Variants in CTNNA2 observed in about 807,000 individuals in gnomAD.
CTNNA2 encodes the protein catenin alpha-2.
In CTNNA2, 42 loss-of-function variants were observed where a neutral mutation model predicts 101.0. That is an observed-to-expected ratio of 0.42 (90% CI 0.32 to 0.54). CTNNA2 has a LOEUF of 0.54. CTNNA2 is among the 20% of genes least tolerant of loss of function. CTNNA2 has a pLI of 0.14. For missense variants in CTNNA2, 871 were observed against 1,223.1 expected, an observed-to-expected ratio of 0.71 and a Z score of 4.29; for synonymous variants, 450 against 456.4, an observed-to-expected ratio of 0.99 and a Z score of 0.18.
chr2:79,617,291 A>T (rs185822684), intron 1 of CTNNA2, among the ~76,000 whole-genome samples: 1 of 152,252 alleles, frequency 6.6e-6, no homozygotes, highest in East Asian at 1.9e-4. Context: ...TTTTCTGTTA[A>T]TTCAGTAAAT....
chr2:80,067,445 C>T (rs1325534530), intron 7 of CTNNA2, among the ~76,000 whole-genome samples: 1 of 151,732 alleles, frequency 6.6e-6, no homozygotes, highest in Non-Finnish European at 1.5e-5. Flanking sequence ...AAAATAATAA[C>T]ACCAAAAATC....
At position 80,451,757 on chromosome 2, in the gene CTNNA2, T is replaced by G. The variant is rs190315959; in HGVS notation, c.1290+32156T>G. On this transcript the variant is annotated intron_variant, in intron 9 of 18. Transcript: ENST00000402739. The stretch of plus-strand genomic sequence containing the variant: ...GGATGAGGAAATGTTTGAGTCTTAT[T>G]TGGGAATTAAGGAAAATATAGCCAA... Among the ~76,000 whole-genome samples, 204 of 152,288 alleles carry G rather than the reference T, an allele frequency of 1.3e-3. 1 individual carries two copies. Among genetic ancestry groups the G allele is most frequent in the African/African-American group, 4.5e-3 (189 of 41,542 alleles).
chr2:79,283,526 T>C (rs373021238), intron 2 of CTNNA2, among the ~76,000 whole-genome samples: 8 of 137,330 alleles, frequency 5.8e-5, no homozygotes, highest in Non-Finnish European at 8.0e-5. Flanking sequence ...ATCCTTTCCC[T>C]ATTGCTTGTT....
At chr2:80,210,444 A>G (rs1707813296) in intron 7 of CTNNA2, among the ~76,000 whole-genome samples, 2 of 151,816 alleles carry the variant, frequency 1.3e-5, no homozygotes, top group South Asian at 4.2e-4. Flanking sequence ...GTTCCCACCT[A>G]TGAGTGAGAA....
At chr2:80,220,286 T>C (rs747430468) in intron 7 of CTNNA2, among the ~76,000 whole-genome samples, 1 of 152,236 alleles carries the variant, frequency 6.6e-6, no homozygotes, top group Non-Finnish European at 1.5e-5. Flanking sequence ...GAGTCAACAC[T>C]GAATATTTTT....
chr2:79,204,865 G>A (rs1674081853), intron 2 of CTNNA2, among the ~76,000 whole-genome samples: 1 of 152,238 alleles, frequency 6.6e-6, no homozygotes, highest in South Asian at 2.1e-4. Flanking sequence ...AATGGAATTA[G>A]TCAACCCTTG....
chr2:80,385,321 A>T, intron 7 of CTNNA2, among the ~76,000 whole-genome samples: 1 of 149,946 alleles, frequency 6.7e-6, no homozygotes, highest in African/African-American at 2.5e-5. Context: ...CGAATGGGAT[A>T]AGTGCCCTTA....
chr2:80,588,699 G>A (rs1486613575), intron 14 of CTNNA2, among the ~76,000 whole-genome samples: 1 of 152,062 alleles, frequency 6.6e-6, no homozygotes, highest in East Asian at 1.9e-4. Context: ...AGGAGCCGCA[G>A]GCATGCCACC....
intron 2 of CTNNA2, among the ~76,000 whole-genome samples, chr2:79,251,574 T>A (rs2104272520): frequency 6.6e-6 from 1 of 152,124 alleles, no homozygotes; most frequent in South Asian, 2.1e-4. Context: ...TCTTTTGCTT[T>A]CTCTCTCATT....
intron 7 of CTNNA2, among the ~76,000 whole-genome samples, chr2:80,382,923 A>ATG (rs547580704): frequency 3.9e-5 from 6 of 152,232 alleles, no homozygotes; most frequent in Admixed American, 3.3e-4. Context: ...CAGTTTGGGT[A>ATG]TGTGTGTGTG....
intron 2 of CTNNA2, among the ~76,000 whole-genome samples, chr2:79,210,206 C>A (rs968944565): frequency 1.3e-5 from 2 of 151,752 alleles, no homozygotes; most frequent in African/African-American, 4.8e-5. Flanking sequence ...GTTGCACATT[C>A]ATTAGGTGCC....
At chr2:79,374,618 A>T (rs1039585573) in intron 4 of CTNNA2, among the ~76,000 whole-genome samples, 1 of 152,090 alleles carries the variant, frequency 6.6e-6, no homozygotes, top group Admixed American at 6.6e-5. Flanking sequence ...TAGATGATGT[A>T]TATTTTTTAT....
At chr2:79,909,849 C>A in intron 7 of CTNNA2, 52 bp downstream of exon 7, 2 of 1,508,390 alleles carry the variant, frequency 1.3e-6, no homozygotes, top group African/African-American at 1.4e-5. Context: ...GTTCTGCAAT[C>A]GTGTTGCTCT....
intron 7 of CTNNA2, among the ~76,000 whole-genome samples, chr2:80,242,105 G>A (rs931275186): frequency 1.3e-5 from 2 of 152,140 alleles, no homozygotes; most frequent in African/African-American, 2.4e-5. Context: ...TAGATTCTCT[G>A]AATTCCATAA....
In CTNNA2 at chr2:80,546,077, A is replaced by G. The variant is rs1377697365; in HGVS notation, c.1540+14A>G. On this transcript the variant is annotated intron_variant, in intron 11 of 18. Transcript: ENST00000402739. Reference sequence around the variant, plus strand: ...TCTCTGTCTCAGGTAATCATCACAAACAGGTCCCTTACAAGGCAGCTGGAG... The same window carrying G: ...TCTCTGTCTCAGGTAATCATCACAAGCAGGTCCCTTACAAGGCAGCTGGAG... The G allele has an allele frequency of 6.2e-7, 1 of 1,613,276 alleles. No individual in the cohort carries two copies. Among genetic ancestry groups the G allele is most frequent in the Non-Finnish European group, 8.5e-7 (1 of 1,179,800 alleles).
chr2:79,585,364 G>A (rs915210134), intron 1 of CTNNA2, among the ~76,000 whole-genome samples: 1 of 151,918 alleles, frequency 6.6e-6, no homozygotes, highest in African/African-American at 2.4e-5. Context: ...AACTGTATTG[G>A]ATAACACTTC....
At chr2:79,600,941 C>T (rs1677514378) in intron 1 of CTNNA2, among the ~76,000 whole-genome samples, 1 of 152,092 alleles carries the variant, frequency 6.6e-6, no homozygotes, top group Non-Finnish European at 1.5e-5. Context: ...AATTGTTTCT[C>T]AAAGGCCACA....
intron 7 of CTNNA2, among the ~76,000 whole-genome samples, chr2:80,207,784 C>A (rs1707623041): frequency 6.6e-6 from 1 of 151,962 alleles, no homozygotes. Flanking sequence ...GCTCTTTGGG[C>A]CACTGAATTG....
At chr2:79,750,190 AG>A (rs2105023184) in intron 3 of CTNNA2, among the ~76,000 whole-genome samples, 2 of 152,360 alleles carry the variant, frequency 1.3e-5, no homozygotes, top group South Asian at 4.1e-4. Flanking sequence ...GGGGAATTCC[AG>A]AACGTTTTCA....
Sources: gnomAD v4.1 joint callset for allele counts (sites outside exome capture counted in the v4.1 genomes callset) on GRCh38, gnomAD v4.1.1 for gene constraint, MANE v1.5 for transcripts, NCBI Gene and HGNC (gene_info 2026-07-23, HGNC 2026-07-21) for gene names.